PPP1R12A: variants seen among roughly 807,000 people sequenced by gnomAD.
The protein encoded by PPP1R12A is myosin binding subunit.
A neutral mutation model predicts 139.6 loss-of-function variants in PPP1R12A; 19 were observed. The observed-to-expected ratio is 0.14, with a 90% CI of 0.09 to 0.20. PPP1R12A has a LOEUF of 0.20. PPP1R12A is among the 10% of genes least tolerant of loss of function. The pLI, the probability that PPP1R12A is intolerant of heterozygous loss-of-function variation, is 1.00. For synonymous variants in PPP1R12A, 427 were observed against 420.6 expected (o/e 1.02, Z -0.19); for missense variants, 925 against 1,211.5 (o/e 0.76, Z 3.51).
intron 1 of PPP1R12A, among the ~76,000 whole-genome samples, chr12:79,900,467 C>T (rs537824291): frequency 2.0e-4 from 30 of 152,282 alleles, no homozygotes; most frequent in African/African-American, 6.5e-4. Context: ...AATAAATACA[C>T]ACAAAATACA....
intron 22 of PPP1R12A, among the ~76,000 whole-genome samples, chr12:79,783,328 G>T (rs545057832): frequency 9.3e-5 from 14 of 149,910 alleles, no homozygotes; most frequent in Admixed American, 2.0e-4. Flanking sequence ...AATTAAACAG[G>T]TGTGGTGGCA....
intron 5 of PPP1R12A, 109 bp downstream of exon 5, chr12:79,828,206 AAATAT>A (rs1158556232): frequency 1.1e-6 from 1 of 904,438 alleles, no homozygotes; most frequent in African/African-American, 1.7e-5. Context: ...CAGTTAATAA[AAATAT>A]AATTATATAA....
At chr12:79,823,107 A>G (rs1023503181) in intron 5 of PPP1R12A, among the ~76,000 whole-genome samples, 4 of 152,170 alleles carry the variant, frequency 2.6e-5, no homozygotes, top group Non-Finnish European at 4.4e-5. Flanking sequence ...ATCCATTTTA[A>G]TTCACTGTGA....
At chr12:79,778,508 C>CGTTT in intron 24 of PPP1R12A, 42 bp downstream of exon 24, 1 of 1,321,094 alleles carries the variant, frequency 7.6e-7, no homozygotes, top group South Asian at 1.4e-5. Context: ...AACATTAATA[C>CGTTT]ATAAACAGCA....
intron 2 of PPP1R12A, among the ~76,000 whole-genome samples, chr12:79,852,995 A>C (rs910734522): frequency 2.0e-5 from 3 of 152,174 alleles, no homozygotes; most frequent in Admixed American, 6.5e-5. Context: ...AGTTGGGGAA[A>C]GGCTAGTTAA....
chr12:79,783,592 G>A (rs940556584), intron 22 of PPP1R12A, among the ~76,000 whole-genome samples: 3 of 151,942 alleles, frequency 2.0e-5, no homozygotes, highest in Non-Finnish European at 4.4e-5. Flanking sequence ...ACCACGTGAG[G>A]ATTTAAAAAT....
At chr12:79,914,242 A>C (rs1886818673) in intron 1 of PPP1R12A, among the ~76,000 whole-genome samples, 2 of 152,028 alleles carry the variant, frequency 1.3e-5, no homozygotes, top group South Asian at 4.1e-4. Context: ...AAAATTCAAA[A>C]TGGTATTTTA....
At position 79,819,100 on chromosome 12, in the gene PPP1R12A, A is replaced by G. The variant is rs532200553; in HGVS notation, c.1115-1582T>C. ...GGAAGAACAAAATTATCATAGTACA[A>G]TGCTTCAAAGGAACATTTAAAGTTA... On this transcript the variant is annotated intron_variant, in intron 8 of 24. Transcript: ENST00000450142. The G allele has an allele frequency of 2.0e-5, 3 of 152,336 alleles. No homozygotes were observed. The East Asian group carries it at 5.8e-4, about 29-fold the overall frequency. The allele number at this position is 152,336 out of a possible 1,614,324, so 9.4% of individuals were successfully genotyped here. A position where few individuals can be genotyped will look rare whatever the true frequency, so the allele number is the denominator to read the frequency against.
At chr12:79,789,620 C>G (rs1446734970) in intron 20 of PPP1R12A, 1 of 452,470 alleles carries the variant, frequency 2.2e-6, no homozygotes, top group Non-Finnish European at 4.4e-6. Flanking sequence ...ATGCCATTGG[C>G]TCTGCATTTC....
chr12:79,785,006 CATT>C (rs796305495), intron 22 of PPP1R12A, among the ~76,000 whole-genome samples: 36 of 152,162 alleles, frequency 2.4e-4, no homozygotes, highest in African/African-American at 8.4e-4. Context: ...TCAGAGAACT[CATT>C]ATATTTTTAT....
At chr12:79,848,089 T>C (rs747630361) in intron 2 of PPP1R12A, among the ~76,000 whole-genome samples, 19 of 152,238 alleles carry the variant, frequency 1.2e-4, no homozygotes, top group Non-Finnish European at 2.4e-4. Context: ...AAATGGCTAC[T>C]GTATCATTTT....
At chr12:79,788,619 T>G in intron 21 of PPP1R12A, 29 bp downstream of exon 21, 1 of 1,554,332 alleles carries the variant, frequency 6.4e-7, no homozygotes, top group Middle Eastern at 1.7e-4. Context: ...GATAACTTTT[T>G]ATTAAATATA....
intron 6 of PPP1R12A, among the ~76,000 whole-genome samples, chr12:79,821,751 C>CAA (rs1290815438): frequency 3.7e-4 from 40 of 107,306 alleles, no homozygotes; most frequent in Non-Finnish European, 4.8e-4. Flanking sequence ...ACCCCATCTC[C>CAA]AAAAAAAAAA....
In PPP1R12A at chr12:79,828,495, T is replaced by C. The variant is rs199676890; in HGVS notation, c.648-31A>G. On this transcript the variant is annotated intron_variant, in intron 4 of 24. Transcript: ENST00000450142. ...GAAATTACAGTGAATTAGACAATCA[T>C]TAAAATCTAGAAATAAATGATCATG... 8.8e-5 allele frequency: 128 copies of C among 1,460,706 alleles called. 1 individual carries two copies. The East Asian group carries it at 3.0e-3, about 34-fold the overall frequency. 90.5% of individuals were successfully genotyped at this position (1,460,706 alleles called of 1,614,324 possible).
intron 1 of PPP1R12A, among the ~76,000 whole-genome samples, chr12:79,926,893 A>G (rs572831800): frequency 1.3e-5 from 2 of 152,270 alleles, no homozygotes; most frequent in South Asian, 4.1e-4. Flanking sequence ...TTTACTGTAA[A>G]TGATTAAAAA....
chr12:79,911,317 T>C (rs1199195710), intron 1 of PPP1R12A, among the ~76,000 whole-genome samples: 1 of 152,124 alleles, frequency 6.6e-6, no homozygotes. Context: ...TCCTCTTCAG[T>C]GCATTTTATC....
chr12:79,795,021 T>C lies in PPP1R12A; in HGVS notation c.2583+617A>G, dbSNP rs144715953. Reference sequence around the variant, plus strand: ...ACACTGCTGTTTTTATTCATCATTCTGAGTGGTGATTACATAGATATGCTC... The same window carrying C: ...ACACTGCTGTTTTTATTCATCATTCCGAGTGGTGATTACATAGATATGCTC... On this transcript the variant is annotated intron_variant, in intron 18 of 24. Coordinates refer to ENST00000450142, the MANE Select transcript of PPP1R12A (RefSeq NM_002480.3). 1.3e-3 allele frequency among the ~76,000 whole-genome samples: 196 copies of C among 152,204 alleles called. 1 individual carries two copies. In the East Asian group the frequency reaches 0.034, roughly 27 times the overall value.
chr12:79,781,867 A>G lies in PPP1R12A; in HGVS notation c.2908-5T>C, dbSNP rs771817694. ...ATCAGCAAATCTTTCTTGTCTCTGCAACAAAGTAAGAAATTATAAAAGAGA... is the reference window on the plus strand; with the variant it reads ...ATCAGCAAATCTTTCTTGTCTCTGCGACAAAGTAAGAAATTATAAAAGAGA... On this transcript the variant is annotated splice_polypyrimidine_tract_variant and splice_region_variant and intron_variant, in intron 22 of 24. Transcript: ENST00000450142. The G allele has an allele frequency of 1.0e-5, 16 of 1,534,738 alleles. No individual in the cohort carries two copies. In the South Asian group the frequency reaches 1.9e-4, roughly 18 times the overall value.
At chr12:79,906,853 C>G (rs1221649233) in intron 1 of PPP1R12A, among the ~76,000 whole-genome samples, 1 of 152,110 alleles carries the variant, frequency 6.6e-6, no homozygotes, top group East Asian at 1.9e-4. Flanking sequence ...GCCATGTTGA[C>G]CCGGCTGGTC....
Sources: gnomAD v4.1 joint callset for allele counts (sites outside exome capture counted in the v4.1 genomes callset) on GRCh38, gnomAD v4.1.1 for gene constraint, MANE v1.5 for transcripts, NCBI Gene and HGNC (gene_info 2026-07-23, HGNC 2026-07-21) for gene names.